The following RIMBP2 variants were observed in gnomAD, a reference collection of about 807,000 sequenced individuals.
RIMBP2 encodes RIMS binding protein 2.
RIMBP2 carries 48 observed loss-of-function variants against 118.6 expected under a neutral mutation model. That is an observed-to-expected ratio of 0.40 (90% confidence interval 0.32 to 0.51). The LOEUF (loss-of-function observed/expected upper bound fraction) is 0.51, where lower values mean the gene tolerates loss of function less well. RIMBP2 is among the 20% of genes least tolerant of loss of function. RIMBP2 has a pLI of 0.41. For synonymous variants in RIMBP2, 762 were observed against 742.9 expected (o/e 1.03, Z -0.42); for missense variants, 1,551 against 1,768.3 (o/e 0.88, Z 2.20).
chr12:130,626,197 C>A (rs950469643), intron 2 of RIMBP2, among the ~76,000 whole-genome samples: 4 of 152,210 alleles, frequency 2.6e-5, no homozygotes, highest in Non-Finnish European at 5.9e-5. Flanking sequence ...AGTTTCACAT[C>A]AGACCTTTTC....
intron 2 of RIMBP2, among the ~76,000 whole-genome samples, chr12:130,588,649 G>A (rs962740180): frequency 1.3e-5 from 2 of 152,206 alleles, no homozygotes; most frequent in Non-Finnish European, 2.9e-5. Context: ...ACAAGAAAGC[G>A]AGTCCAATGC....
At chr12:130,566,800 G>A (rs1206008062) in intron 2 of RIMBP2, among the ~76,000 whole-genome samples, 1 of 152,182 alleles carries the variant, frequency 6.6e-6, no homozygotes, top group Non-Finnish European at 1.5e-5. Flanking sequence ...GCTAAGTTTG[G>A]GGATAATTTG....
rs370718780 is a variant in RIMBP2, at chr12:130,442,239, G to A, written c.1113C>T (p.Ile371=). 3.3e-5 allele frequency: 54 copies of A among 1,614,094 alleles called. No individual in the cohort carries two copies. The highest frequency in any genetic ancestry group is 4.0e-5 in the Non-Finnish European group (47 of 1,180,060). Residue 371 remains isoleucine (I), a synonymous_variant, in exon 11 of 23, where the codon ATC becomes ATT. Coordinates refer to ENST00000690449, the MANE Select transcript of RIMBP2 (RefSeq NM_001393629.1). This position sits in a 1 kb window ranked among gnomAD's most constrained non-coding sequence, Gnocchi z 6.9. ...TGCAGGCTGCCATGTTGAGCTTCTCGATGAGGGCTTTAGTTCTGCTCCCCA... is the reference window on the plus strand; with the variant it reads ...TGCAGGCTGCCATGTTGAGCTTCTCAATGAGGGCTTTAGTTCTGCTCCCCA... ...LTLGSRTKAL[I]EKLNMAACTY... is the part of the protein sequence containing the mutation.
intron 4 of RIMBP2, among the ~76,000 whole-genome samples, chr12:130,479,502 G>A (rs1207857295): frequency 6.6e-6 from 1 of 152,160 alleles, no homozygotes; most frequent in Non-Finnish European, 1.5e-5. Flanking sequence ...ATTCTACAGA[G>A]AGGGAAACTG....
Position 130,538,129 on chromosome 12 carries a change from G to A in RIMBP2, c.-216-20212C>T, listed in dbSNP as rs867768987. ...AGGAGATGATCCAAGATGGCAGCTC[G>A]TGACTGCATTTGACCGTGGAGATGT... On this transcript the variant is annotated intron_variant, in intron 2 of 22. Transcript: ENST00000690449. Among the ~76,000 whole-genome samples, 15 of 152,246 alleles carry A rather than the reference G, an allele frequency of 9.9e-5. No individual in the cohort carries two copies. In the Middle Eastern group the frequency reaches 0.02, roughly 207 times the overall value.
chr12:130,572,900 G>A (rs1467826394), intron 2 of RIMBP2, among the ~76,000 whole-genome samples: 2 of 152,160 alleles, frequency 1.3e-5, no homozygotes, highest in African/African-American at 4.8e-5. Flanking sequence ...GCAGGGTCAG[G>A]AGGGCTGTGG....
chr12:130,537,300 C>T (rs1261356013), intron 2 of RIMBP2, among the ~76,000 whole-genome samples: 2 of 152,218 alleles, frequency 1.3e-5, no homozygotes, highest in African/African-American at 4.8e-5. Context: ...AAAGTTTTGC[C>T]TTCTGCCTCT....
rs143901121 is a variant in RIMBP2 at position 130,670,372 on chromosome 12, G to C, written c.-351-41916C>G. Among the ~76,000 whole-genome samples, 1 of 152,286 alleles carries C rather than the reference G, an allele frequency of 6.6e-6. No homozygotes were observed. Among genetic ancestry groups the C allele is most frequent in the East Asian group, 1.9e-4 (1 of 5,174 alleles). On this transcript the variant is annotated intron_variant, in intron 1 of 22. Transcript: ENST00000690449. This position sits in a 1 kb window ranked among gnomAD's most constrained non-coding sequence, Gnocchi z 4.9. ...ATCTTCCCGGCAGCCACCAGCGTGT[G>C]AGCATTTTGCCTCGGGAAACTAGAG...
rs545400830 is a variant in RIMBP2, at chr12:130,572,591, T to C, written c.-216-54674A>G. ...TCTAGAAAGCTGACAGGGGCAGGGA[T>C]GTGACACCGATTTCCACAGCATGAT... is the stretch of plus-strand genomic sequence containing the variant. On this transcript the variant is annotated intron_variant, in intron 2 of 22. Coordinates refer to ENST00000690449, the MANE Select transcript of RIMBP2 (RefSeq NM_001393629.1). Among the ~76,000 whole-genome samples the C allele has an allele frequency of 1.3e-5, 2 of 152,174 alleles. 1 individual carries two copies. The highest frequency in any genetic ancestry group is 3.9e-4 in the East Asian group (2 of 5,140).
At chr12:130,686,259 A>G (rs957083391) in intron 1 of RIMBP2, among the ~76,000 whole-genome samples, 3 of 152,020 alleles carry the variant, frequency 2.0e-5, no homozygotes, top group African/African-American at 7.2e-5. Flanking sequence ...TGGCCTCATC[A>G]TGGAGCTATG....
At chr12:130,665,782 T>G (rs1355072565) in intron 1 of RIMBP2, among the ~76,000 whole-genome samples, 1 of 152,038 alleles carries the variant, frequency 6.6e-6, no homozygotes, top group Non-Finnish European at 1.5e-5. Context: ...CTAAAGGACC[T>G]TATGGGGCAA....
At chr12:130,664,447 G>GCACACACGCACACACACGTGCATGCACA (rs2063824317) in intron 1 of RIMBP2, among the ~76,000 whole-genome samples, 1 of 122,414 alleles carries the variant, frequency 8.2e-6, no homozygotes, top group Admixed American at 8.3e-5. Context: ...ACGCACACAC[G>GCACACACGCACACACACGTGCATGCACA]CACACACATG....
intron 4 of RIMBP2, among the ~76,000 whole-genome samples, chr12:130,495,958 A>G (rs1223764064): frequency 6.6e-6 from 1 of 152,256 alleles, no homozygotes; most frequent in Non-Finnish European, 1.5e-5. Context: ...TCTTTGAATT[A>G]GGTCATGCTA....
intron 10 of RIMBP2, 35 bp downstream of exon 10, chr12:130,445,125 G>T: frequency 6.9e-7 from 1 of 1,446,794 alleles, no homozygotes; most frequent in Non-Finnish European, 9.5e-7. Context: ...GACTGGCCCA[G>T]CCTACGTCCG....
chr12:130,467,901 C>G (rs1173399003), intron 6 of RIMBP2, among the ~76,000 whole-genome samples: 1 of 152,154 alleles, frequency 6.6e-6, no homozygotes, highest in Non-Finnish European at 1.5e-5. Flanking sequence ...TGATTGAGAC[C>G]CATCTCAGAC....
rs76619289 is a variant in RIMBP2 at position 130,475,106 on chromosome 12, G to A, written c.102+3806C>T. ...GTGTCTCTGCTCAGGTCCCAGAGAC[G>A]AGGGCTGCAGCATGAGCTCATTGTC... On this transcript the variant is annotated intron_variant, in intron 5 of 22. Transcript: ENST00000690449. The surrounding 1 kb of genome is among the most constrained non-coding windows in gnomAD (Gnocchi z 4.1). 0.019 allele frequency among the ~76,000 whole-genome samples: 2,889 copies of A among 152,294 alleles called. 88 individuals carry two copies. Among genetic ancestry groups the A allele is most frequent in the East Asian group, 0.16 (818 of 5,172 alleles).
At chr12:130,629,292 A>C (rs1182715301) in intron 1 of RIMBP2, among the ~76,000 whole-genome samples, 1 of 152,198 alleles carries the variant, frequency 6.6e-6, no homozygotes, top group Non-Finnish European at 1.5e-5. Flanking sequence ...GTCAAAATTC[A>C]ATTTATTTCA....
intron 7 of RIMBP2, among the ~76,000 whole-genome samples, chr12:130,452,247 T>C (rs1044076008): frequency 6.6e-6 from 1 of 152,174 alleles, no homozygotes; most frequent in Non-Finnish European, 1.5e-5. Context: ...TATGAATTGC[T>C]GAGTCCAAAT....
chr12:130,447,349 C>G lies in RIMBP2; in HGVS notation c.582-2080G>C, dbSNP rs1006591020. Reference sequence around the variant, plus strand: ...TCGTCGGTGCTCCTGCGTGTGGGCCCTGGAGGCCACCCGACCTCGTGGGTG... The same window carrying G: ...TCGTCGGTGCTCCTGCGTGTGGGCCGTGGAGGCCACCCGACCTCGTGGGTG... On this transcript the variant is annotated intron_variant, in intron 9 of 22. Transcript: ENST00000690449. The surrounding 1 kb of genome is among the most constrained non-coding windows in gnomAD (Gnocchi z 4.4). Among the ~76,000 whole-genome samples the G allele has an allele frequency of 6.6e-6, 1 of 152,056 alleles. No homozygotes were observed. The highest frequency in any genetic ancestry group is 1.5e-5 in the Non-Finnish European group (1 of 68,006).
Sources: gnomAD v4.1 joint callset for allele counts (sites outside exome capture counted in the v4.1 genomes callset) on GRCh38, gnomAD v4.1.1 for gene constraint, Gnocchi (gnomAD v3.1) non-coding constraint, MANE v1.5 for transcripts, NCBI Gene and HGNC (gene_info 2026-07-23, HGNC 2026-07-21) for gene names.